SLC24A3: variants seen among roughly 807,000 people sequenced by gnomAD.
The protein encoded by SLC24A3 is solute carrier family 24 member 3, also known as sodium/potassium/calcium exchanger 3.
A neutral mutation model predicts 75.8 loss-of-function variants in SLC24A3; 28 were observed. The ratio of observed to expected loss-of-function variants is 0.37; its 90% CI spans 0.27 to 0.51. The LOEUF is 0.51. SLC24A3 is among the 20% of genes least tolerant of loss of function. SLC24A3 has a pLI of 0.94. For synonymous variants in SLC24A3, 372 were observed against 334.1 expected (o/e 1.11, Z -1.24); for missense variants, 663 against 847.8 (o/e 0.78, Z 2.71).
intron 1 of SLC24A3, among the ~76,000 whole-genome samples, chr20:19,223,441 T>C (rs2122135940): frequency 6.6e-6 from 1 of 152,314 alleles, no homozygotes; most frequent in South Asian, 2.1e-4. Context: ...TTTTCCAGTG[T>C]TATTTGTATG....
intron 1 of SLC24A3, among the ~76,000 whole-genome samples, chr20:19,252,644 G>GGA (rs1003521959): frequency 1.7e-5 from 1 of 59,332 alleles, no homozygotes; most frequent in Admixed American, 2.3e-4. Context: ...TTGGAATGGC[G>GGA]GGGGGGGGTG....
intron 6 of SLC24A3, among the ~76,000 whole-genome samples, chr20:19,620,742 G>A (rs1020191574): frequency 1.3e-5 from 2 of 152,196 alleles, no homozygotes; most frequent in African/African-American, 4.8e-5. Flanking sequence ...TGTCCTGGGA[G>A]AGAGATGAGA....
At chr20:19,677,320 A>G (rs1217265316) in intron 9 of SLC24A3, among the ~76,000 whole-genome samples, 1 of 150,656 alleles carries the variant, frequency 6.6e-6, no homozygotes, top group Non-Finnish European at 1.5e-5. Flanking sequence ...GCAAACCTTT[A>G]TGCAAGTCAG....
chr20:19,431,098 A>T (rs1239609032), intron 2 of SLC24A3, among the ~76,000 whole-genome samples: 1 of 152,070 alleles, frequency 6.6e-6, no homozygotes, highest in Non-Finnish European at 1.5e-5. Flanking sequence ...GAAGATGCTA[A>T]CTGGCTGGTT....
Position 19,474,558 on chromosome 20 carries a change from C to T in SLC24A3, c.272-40930C>T, listed in dbSNP as rs530876254. On this transcript the variant is annotated intron_variant, in intron 2 of 16. Coordinates refer to ENST00000328041, the MANE Select transcript of SLC24A3 (RefSeq NM_020689.4). Reference sequence around the variant, plus strand: ...GCCATCCATCATAGAGCTGGGTCTCCGTGGAGAAAAACACTATGTGAAAGA... The same window carrying T: ...GCCATCCATCATAGAGCTGGGTCTCTGTGGAGAAAAACACTATGTGAAAGA... Among the ~76,000 whole-genome samples the T allele has an allele frequency of 5.3e-5, 8 of 152,026 alleles. No individual in the cohort carries two copies. The South Asian group carries it at 1.0e-3, about 20-fold the overall frequency.
At chr20:19,332,286 C>T (rs1985016670) in intron 2 of SLC24A3, among the ~76,000 whole-genome samples, 1 of 152,100 alleles carries the variant, frequency 6.6e-6, no homozygotes, top group Non-Finnish European at 1.5e-5. Context: ...CAGTGGGCCA[C>T]CGCTGTGGCC....
chr20:19,317,767 C>A (rs1020353317), intron 2 of SLC24A3, among the ~76,000 whole-genome samples: 1 of 152,178 alleles, frequency 6.6e-6, no homozygotes, highest in African/African-American at 2.4e-5. Context: ...GATAAGCATG[C>A]CTTGTGTTTA....
chr20:19,345,968 A>C (rs919678768), intron 2 of SLC24A3, among the ~76,000 whole-genome samples: 1 of 150,442 alleles, frequency 6.6e-6, no homozygotes, highest in Non-Finnish European at 1.5e-5. Context: ...TTATACAAAA[A>C]AGATAGTTGT....
At chr20:19,346,851 TA>T in intron 2 of SLC24A3, among the ~76,000 whole-genome samples, 1 of 145,984 alleles carries the variant, frequency 6.9e-6, no homozygotes, top group Non-Finnish European at 1.5e-5. Flanking sequence ...TAAAAAGTAA[TA>T]AAAAAAGAAA....
In SLC24A3 at chr20:19,648,529, A is replaced by G. The variant is rs73283597; in HGVS notation, c.613-5533A>G. Among the ~76,000 whole-genome samples the G allele has an allele frequency of 6.9e-3, 1,053 of 151,986 alleles. 13 individuals carry two copies. The highest frequency in any genetic ancestry group is 0.024 in the African/African-American group (1,003 of 41,450). On this transcript the variant is annotated intron_variant, in intron 6 of 16. Transcript: ENST00000328041. Reference sequence around the variant, plus strand: ...AAATGTGCCGGTAATGTCAGGTTATATTGTTCATCAAGAAAAGTTATCATA... The same window carrying G: ...AAATGTGCCGGTAATGTCAGGTTATGTTGTTCATCAAGAAAAGTTATCATA...
intron 2 of SLC24A3, among the ~76,000 whole-genome samples, chr20:19,381,242 A>G (rs1828239471): frequency 6.6e-6 from 1 of 152,350 alleles, no homozygotes; most frequent in Non-Finnish European, 1.5e-5. Context: ...GTGGGGACTC[A>G]ACAGTGTCAA....
At chr20:19,310,486 G>C (rs1343002944) in intron 2 of SLC24A3, among the ~76,000 whole-genome samples, 16 of 152,220 alleles carry the variant, frequency 1.1e-4, no homozygotes, top group Non-Finnish European at 1.6e-4. Flanking sequence ...TGAGAAATGA[G>C]AAGCTCAATA....
intron 2 of SLC24A3, among the ~76,000 whole-genome samples, chr20:19,342,865 T>C (rs952908567): frequency 5.9e-5 from 9 of 151,740 alleles, no homozygotes; most frequent in Non-Finnish European, 8.8e-5. Context: ...GGTGAGGAGA[T>C]TGAGACCATC....
intron 2 of SLC24A3, among the ~76,000 whole-genome samples, chr20:19,356,176 A>G (rs1287844315): frequency 6.6e-6 from 1 of 152,240 alleles, no homozygotes; most frequent in East Asian, 1.9e-4. Context: ...ATACAAAAAC[A>G]TATAGGGAGT....
At chr20:19,701,584 G>A (rs912285067) in intron 15 of SLC24A3, among the ~76,000 whole-genome samples, 7 of 152,108 alleles carry the variant, frequency 4.6e-5, no homozygotes, top group Non-Finnish European at 1.0e-4. Context: ...TCTCTACTCA[G>A]TCATACGTGA....
At chr20:19,656,976 C>T (rs11696123) in intron 7 of SLC24A3, among the ~76,000 whole-genome samples, 36,979 of 152,152 alleles carry the variant, frequency 0.24, 5,211 homozygotes, top group Non-Finnish European at 0.31. Context: ...CTCCCTCACC[C>T]GAGCCTGGTC....
intron 6 of SLC24A3, among the ~76,000 whole-genome samples, chr20:19,612,161 A>G (rs1473471017): frequency 6.6e-6 from 1 of 152,136 alleles, no homozygotes; most frequent in African/African-American, 2.4e-5. Flanking sequence ...CGCAACATCA[A>G]ATCTTCTAAG....
intron 2 of SLC24A3, among the ~76,000 whole-genome samples, chr20:19,447,348 G>A (rs1189903294): frequency 6.6e-6 from 1 of 152,150 alleles, no homozygotes; most frequent in African/African-American, 2.4e-5. Context: ...GTTCTGGAGG[G>A]AAAGAAGGGT....
chr20:19,480,691 G>A (rs2122518049), intron 2 of SLC24A3, among the ~76,000 whole-genome samples: 1 of 152,056 alleles, frequency 6.6e-6, no homozygotes, highest in South Asian at 2.1e-4. Flanking sequence ...TGGTTGGGAG[G>A]GCAACTCTGT....
Sources: allele counts gnomAD v4.1 joint callset (sites outside exome capture counted in the v4.1 genomes callset), GRCh38; gene constraint gnomAD v4.1.1; transcripts MANE v1.5; gene names NCBI Gene and HGNC (gene_info 2026-07-23, HGNC 2026-07-21).